ROBO2: variants seen among roughly 807,000 people sequenced by gnomAD.
ROBO2 encodes roundabout guidance receptor 2, also known as roundabout homolog 2.
Under a neutral mutation model 160.8 loss-of-function variants are expected in ROBO2, and 53 were observed. That is an observed-to-expected ratio of 0.33 (90% CI 0.26 to 0.41). ROBO2 has a LOEUF of 0.41. ROBO2 is among the 10% of genes least tolerant of loss of function. ROBO2 has a pLI of 1.00. For missense variants in ROBO2, 1,577 were observed against 1,722.4 expected (o/e 0.92, Z 1.49); for synonymous variants, 664 against 611.7 (o/e 1.09, Z -1.26).
intron 2 of ROBO2, among the ~76,000 whole-genome samples, chr3:77,213,163 C>G (rs1020622878): frequency 1.3e-5 from 2 of 152,130 alleles, no homozygotes; most frequent in Non-Finnish European, 2.9e-5. Context: ...ACCAGCTCCT[C>G]CTTGTACCTC....
At chr3:77,364,889 AAC>A (rs2070612720) in intron 2 of ROBO2, among the ~76,000 whole-genome samples, 1 of 152,244 alleles carries the variant, frequency 6.6e-6, no homozygotes, top group Non-Finnish European at 1.5e-5. Context: ...AGCAGTGAGT[AAC>A]CTTGCTGAAT....
At chr3:76,826,640 C>T (rs1435171214) in intron 2 of ROBO2, among the ~76,000 whole-genome samples, 1 of 152,060 alleles carries the variant, frequency 6.6e-6, no homozygotes, top group East Asian at 1.9e-4. Flanking sequence ...ATTCCTGAAT[C>T]TTAAGGCTAA....
intron 2 of ROBO2, among the ~76,000 whole-genome samples, chr3:77,445,211 A>T (rs577774675): frequency 3.9e-4 from 60 of 152,290 alleles, no homozygotes; most frequent in African/African-American, 1.3e-3. Flanking sequence ...TAGCCACTCT[A>T]CGCTACTAGT....
chr3:77,358,665 T>C (rs1365999804), intron 2 of ROBO2, among the ~76,000 whole-genome samples: 1 of 152,248 alleles, frequency 6.6e-6, no homozygotes, highest in African/African-American at 2.4e-5. Flanking sequence ...CCATGTTTTA[T>C]TTCTAAATAG....
chr3:76,901,872 C>G (rs950428279), intron 2 of ROBO2, among the ~76,000 whole-genome samples: 1 of 151,852 alleles, frequency 6.6e-6, no homozygotes, highest in Non-Finnish European at 1.5e-5. Context: ...TAGTTTGGTT[C>G]AATCCTAACT....
chr3:76,473,044 G>A (rs369935203), intron 2 of ROBO2, among the ~76,000 whole-genome samples: 1 of 152,106 alleles, frequency 6.6e-6, no homozygotes, highest in South Asian at 2.1e-4. Context: ...GCTCCATAAG[G>A]CTTCATAATG....
intron 2 of ROBO2, among the ~76,000 whole-genome samples, chr3:76,157,473 A>C (rs1027967267): frequency 1.3e-5 from 2 of 152,218 alleles, no homozygotes; most frequent in African/African-American, 4.8e-5. Context: ...GTATATAATC[A>C]AGAATTGATT....
chr3:77,538,218 A>C (rs2092269997), intron 6 of ROBO2, among the ~76,000 whole-genome samples: 1 of 126,214 alleles, frequency 7.9e-6, no homozygotes, highest in African/African-American at 3.1e-5. Flanking sequence ...TCTGTCTGTC[A>C]CCCAGGCTGG....
At chr3:76,272,956 ATATAT>A in intron 2 of ROBO2, among the ~76,000 whole-genome samples, 1 of 25,246 alleles carries the variant, frequency 4.0e-5, no homozygotes, top group Non-Finnish European at 1.6e-4. Context: ...AATATATAAT[ATATAT>A]TTATATATAA....
At chr3:76,777,386 A>T (rs1280561774) in intron 2 of ROBO2, among the ~76,000 whole-genome samples, 2 of 151,040 alleles carry the variant, frequency 1.3e-5, no homozygotes, top group African/African-American at 4.8e-5. Context: ...AGAATTATGT[A>T]TGAGATAAGT....
intron 2 of ROBO2, among the ~76,000 whole-genome samples, chr3:77,414,778 G>A (rs2077076909): frequency 6.6e-6 from 1 of 152,196 alleles, no homozygotes; most frequent in Non-Finnish European, 1.5e-5. Context: ...GGGAACCCTG[G>A]CATACATTGT....
chr3:76,684,382 G>C (rs1216551648), intron 2 of ROBO2, among the ~76,000 whole-genome samples: 2 of 152,098 alleles, frequency 1.3e-5, no homozygotes, highest in Non-Finnish European at 2.9e-5. Flanking sequence ...CTATAGTAGA[G>C]ATTTGTTAAG....
intron 2 of ROBO2, among the ~76,000 whole-genome samples, chr3:76,540,913 C>T (rs921158203): frequency 6.6e-6 from 1 of 152,128 alleles, no homozygotes; most frequent in East Asian, 1.9e-4. Context: ...GATTCTCCTG[C>T]CTCAGCCTCC....
At chr3:76,226,597 A>T (rs551890141) in intron 2 of ROBO2, among the ~76,000 whole-genome samples, 1 of 152,164 alleles carries the variant, frequency 6.6e-6, no homozygotes, top group Non-Finnish European at 1.5e-5. Flanking sequence ...GTATTTTTTT[A>T]TTGTCTCAAG....
rs552740551 is a variant in ROBO2 at position 76,481,468 on chromosome 3, T to C, written c.109+543866T>C. Among the ~76,000 whole-genome samples, 7 of 152,264 alleles carry C rather than the reference T, an allele frequency of 4.6e-5. No individual in the cohort carries two copies. The South Asian group carries it at 1.5e-3, about 32-fold the overall frequency. ...GATAATGTGCATAGTTATAGCACATTCATTGTATAGACATCTGTGTCTTGA... is the reference window on the plus strand; with the variant it reads ...GATAATGTGCATAGTTATAGCACATCCATTGTATAGACATCTGTGTCTTGA... On this transcript the variant is annotated intron_variant, in intron 2 of 26. Transcript: ENST00000487694.
chr3:76,832,557 C>T (rs1467474822), intron 2 of ROBO2, among the ~76,000 whole-genome samples: 3 of 152,022 alleles, frequency 2.0e-5, no homozygotes, highest in Non-Finnish European at 2.9e-5. Context: ...TCATTGTTGA[C>T]CAGAGTTAAT....
chr3:76,548,524 G>C (rs2083241591), intron 2 of ROBO2, among the ~76,000 whole-genome samples: 1 of 152,104 alleles, frequency 6.6e-6, no homozygotes, highest in Admixed American at 6.5e-5. Flanking sequence ...GTGGTGTGAA[G>C]AGTGGGCATT....
chr3:76,341,436 A>G (rs570081741), intron 2 of ROBO2, among the ~76,000 whole-genome samples: 2 of 150,866 alleles, frequency 1.3e-5, no homozygotes, highest in East Asian at 1.9e-4. Flanking sequence ...AAAAAAAAAA[A>G]AAAAAGGAAA....
At chr3:76,737,495 C>T (rs1488146755) in intron 2 of ROBO2, among the ~76,000 whole-genome samples, 2 of 152,068 alleles carry the variant, frequency 1.3e-5, no homozygotes, top group African/African-American at 4.8e-5. Flanking sequence ...AGATTTTTGA[C>T]CAGCCACAAA....
Sources: allele counts gnomAD v4.1 joint callset (sites outside exome capture counted in the v4.1 genomes callset), GRCh38; gene constraint gnomAD v4.1.1; transcripts MANE v1.5; gene names NCBI Gene and HGNC (gene_info 2026-07-23, HGNC 2026-07-21).